Variants in AP1G1 observed in about 807,000 individuals in gnomAD.
AP1G1 encodes adaptor related protein complex 1 subunit gamma 1, also known as AP-1 complex subunit gamma-1.
A neutral mutation model predicts 108.3 loss-of-function variants in AP1G1; 7 were observed. The observed-to-expected ratio is 0.06, with a 90% CI of 0.04 to 0.12. The LOEUF is 0.12. AP1G1 is among the 10% of genes least tolerant of loss of function. AP1G1 has a pLI of 1.00. For missense variants in AP1G1, 756 were observed against 1,010.7 expected (o/e 0.75, Z 3.42); for synonymous variants, 379 against 353.5 (o/e 1.07, Z -0.81).
At chr16:71,798,309 C>T (rs2032658100) in intron 1 of AP1G1, among the ~76,000 whole-genome samples, 1 of 152,128 alleles carries the variant, frequency 6.6e-6, no homozygotes. Context: ...AGCAATTCTC[C>T]TGCCTTACCC....
At chr16:71,759,028 T>A in intron 10 of AP1G1, 107 bp from the exon 11 acceptor site, 1 of 645,770 alleles carries the variant, frequency 1.5e-6, no homozygotes, top group Non-Finnish European at 2.7e-6. Flanking sequence ...AGAGAAAGCA[T>A]ACATTTTTAT....
At chr16:71,754,340 A>AAAAG (rs139492288) in intron 12 of AP1G1, among the ~76,000 whole-genome samples, 79 of 151,320 alleles carry the variant, frequency 5.2e-4, no homozygotes, top group Middle Eastern at 3.5e-3. Flanking sequence ...AAAAGAAAGA[A>AAAAG]AAAGAAAGAA....
intron 15 of AP1G1, among the ~76,000 whole-genome samples, chr16:71,749,057 C>A (rs921729717): frequency 3.9e-5 from 6 of 152,064 alleles, no homozygotes; most frequent in Non-Finnish European, 8.8e-5. Flanking sequence ...CAGGTGCCTG[C>A]CACCACGCCC....
chr16:71,767,881 T>C, intron 6 of AP1G1: 1 of 1,599,330 alleles, frequency 6.3e-7, no homozygotes, highest in Non-Finnish European at 8.5e-7. Flanking sequence ...TCTTACCTTT[T>C]CATTCTAACA....
At chr16:71,779,740 C>CA (rs1395463805) in intron 2 of AP1G1, among the ~76,000 whole-genome samples, 1 of 152,116 alleles carries the variant, frequency 6.6e-6, no homozygotes, top group African/African-American at 2.4e-5. Flanking sequence ...GTAGCAAGTA[C>CA]AAATGTTGCC....
At chr16:71,789,215 G>A (rs944579907) in intron 2 of AP1G1, 64 bp downstream of exon 2, 2 of 1,455,122 alleles carry the variant, frequency 1.4e-6, no homozygotes, top group Non-Finnish European at 1.9e-6. Flanking sequence ...AGAAAAAGAT[G>A]GACAATCCCT....
chr16:71,745,984 G>C (rs550779468), intron 17 of AP1G1, among the ~76,000 whole-genome samples: 3 of 152,114 alleles, frequency 2.0e-5, no homozygotes, highest in South Asian at 2.1e-4. Context: ...ATTTGAATGA[G>C]ATTATTTGTC....
At chr16:71,779,054 C>T (rs1039300934) in intron 2 of AP1G1, among the ~76,000 whole-genome samples, 1 of 152,154 alleles carries the variant, frequency 6.6e-6, no homozygotes, top group Non-Finnish European at 1.5e-5. Context: ...CTTTTATATC[C>T]AAATTCCACA....
intron 21 of AP1G1, among the ~76,000 whole-genome samples, chr16:71,736,444 G>A (rs2045542836): frequency 1.3e-5 from 2 of 149,556 alleles, no homozygotes; most frequent in African/African-American, 2.4e-5. Flanking sequence ...GCAGTGGTGC[G>A]ATCTCGGCTC....
chr16:71,769,193 G>C (rs1173579037), intron 6 of AP1G1, among the ~76,000 whole-genome samples: 2 of 151,426 alleles, frequency 1.3e-5, no homozygotes, highest in Admixed American at 6.6e-5. Flanking sequence ...TGAGGCAGGA[G>C]AATCACTTGA....
intron 1 of AP1G1, among the ~76,000 whole-genome samples, chr16:71,799,090 A>T (rs2142276353): frequency 6.6e-6 from 1 of 152,272 alleles, no homozygotes; most frequent in South Asian, 2.1e-4. Flanking sequence ...AGTAACAGGG[A>T]AGTTAAAATT....
Position 71,739,345 on chromosome 16 carries a change from A to G in AP1G1, c.2000-4T>C. The stretch of plus-strand genomic sequence containing the variant: ...GCAGGAGCAGCAGCTGGAGCACCTA[A>G]AGGAAATATTTTAATGGAAAGTTAA... On this transcript the variant is annotated splice_region_variant and splice_polypyrimidine_tract_variant and intron_variant, in intron 19 of 22. Coordinates refer to ENST00000299980, the MANE Select transcript of AP1G1 (RefSeq NM_001128.6). 2 of 1,583,026 alleles carry G rather than the reference A, an allele frequency of 1.3e-6. No individual in the cohort carries two copies.
At chr16:71,807,696 C>T in intron 1 of AP1G1, 1 of 728,414 alleles carries the variant, frequency 1.4e-6, no homozygotes, top group Non-Finnish European at 2.1e-6. Context: ...CAGCAAAGAT[C>T]ATTACTGTAC....
At chr16:71,733,941 A>G (rs2045501875) in intron 22 of AP1G1, among the ~76,000 whole-genome samples, 1 of 152,214 alleles carries the variant, frequency 6.6e-6, no homozygotes, top group Non-Finnish European at 1.5e-5. Flanking sequence ...ATGCACTAAG[A>G]CATTTTTTAC....
At chr16:71,739,733 C>T (rs1417279929) in intron 19 of AP1G1, among the ~76,000 whole-genome samples, 1 of 140,092 alleles carries the variant, frequency 7.1e-6, no homozygotes, top group Non-Finnish European at 1.5e-5. Flanking sequence ...GGGGACAGAG[C>T]GAGACTCTGT....
chr16:71,741,814 A>G (rs2045625428), intron 19 of AP1G1, among the ~76,000 whole-genome samples: 1 of 152,216 alleles, frequency 6.6e-6, no homozygotes, highest in African/African-American at 2.4e-5. Context: ...ATGTGTTCTC[A>G]TGGAAAATCA....
chr16:71,767,733 CAA>C, intron 6 of AP1G1: 1 of 787,340 alleles, frequency 1.3e-6, no homozygotes, highest in Non-Finnish European at 2.0e-6. Context: ...GGAAGTTAGC[CAA>C]AGATGGTAGA....
At chr16:71,803,044 G>A (rs756128594) in intron 1 of AP1G1, among the ~76,000 whole-genome samples, 4 of 151,710 alleles carry the variant, frequency 2.6e-5, no homozygotes, top group East Asian at 1.9e-4. Flanking sequence ...ACAAAACCCC[G>A]TCTCCACTAA....
At chr16:71,738,921 C>A in intron 21 of AP1G1, 21 bp downstream of exon 21, 2 of 1,588,324 alleles carry the variant, frequency 1.3e-6, no homozygotes, top group South Asian at 2.3e-5. Context: ...AAGGAAACAT[C>A]TAAAGAAGAC....
Sources: allele counts gnomAD v4.1 joint callset (sites outside exome capture counted in the v4.1 genomes callset), GRCh38; gene constraint gnomAD v4.1.1; transcripts MANE v1.5; gene names NCBI Gene and HGNC (gene_info 2026-07-23, HGNC 2026-07-21).